BSN: variants seen among roughly 807,000 people sequenced by gnomAD.
The protein encoded by BSN is protein bassoon.
A neutral mutation model predicts 264.8 loss-of-function variants in BSN; 57 were observed. That is an observed-to-expected ratio of 0.22 (90% CI 0.17 to 0.27). The LOEUF (loss-of-function observed/expected upper bound fraction) is 0.27. Among genes scored for constraint, BSN ranks in the 10% least tolerant of loss-of-function variants. The pLI is 1.00. For missense variants in BSN, 4,615 were observed against 5,232.5 expected, an observed-to-expected ratio of 0.88 and a Z score of 3.64; for synonymous variants, 2,059 against 2,137.3, an observed-to-expected ratio of 0.96 and a Z score of 1.01.
intron 1 of BSN, among the ~76,000 whole-genome samples, chr3:49,578,164 G>A (rs1014915661): frequency 4.6e-5 from 7 of 152,004 alleles, no homozygotes; most frequent in African/African-American, 7.2e-5. Context: ...CTGTAGGCTC[G>A]GCTATCCTTT....
chr3:49,642,855 G>A lies in BSN; in HGVS notation c.1221G>A (p.Gly407=). 6.2e-7 allele frequency: 1 copy of A among 1,613,652 alleles called. No homozygotes were observed. Among genetic ancestry groups the A allele is most frequent in the Non-Finnish European group, 8.5e-7 (1 of 1,179,946 alleles). The part of the protein sequence containing the change: ...PKPLGSGPGP[G]PAPGAKTEPG... The stretch of plus-strand genomic sequence containing the variant: ...CCTTGGGCTCAGGGCCCGGGCCTGG[G>A]CCAGCACCTGGAGCCAAAACTGAGC... Residue 407 remains glycine (G), a synonymous_variant, in exon 3 of 12, where the codon GGG becomes GGA. Transcript: ENST00000296452. The surrounding 1 kb of genome is among the most constrained non-coding windows in gnomAD (Gnocchi z 7.0).
At chr3:49,555,816 A>G (rs551625330) in intron 1 of BSN, among the ~76,000 whole-genome samples, 3 of 152,346 alleles carry the variant, frequency 2.0e-5, no homozygotes, top group South Asian at 2.1e-4. Flanking sequence ...TTCCAGCTCC[A>G]TGTGGGTCTG....
At chr3:49,580,544 A>G (rs2051888642) in intron 1 of BSN, among the ~76,000 whole-genome samples, 1 of 151,614 alleles carries the variant, frequency 6.6e-6, no homozygotes, top group Non-Finnish European at 1.5e-5. Context: ...CAGTCCTCTC[A>G]TCTCAGCCTC....
Position 49,653,155 on chromosome 3 carries a change from G to A in BSN, c.3599G>A (p.Arg1200Lys). The change falls in exon 5 of 12, where the codon AGG becomes AAG. Residue 1200 changes from arginine (R) to lysine (K), a missense_variant. Coordinates refer to ENST00000296452, the MANE Select transcript of BSN (RefSeq NM_003458.4). This position sits in a 1 kb window ranked among gnomAD's most constrained non-coding sequence, Gnocchi z 6.3. ...ATGCGCAAAGCTGAGCTGCTCCAGA[G>A]GCAGCAAGGCCAGGCAGCAGGGGCC... The part of the protein sequence containing the change: ...EMMRKAELLQ[R>K]QQGQAAGARG... The A allele has an allele frequency of 6.2e-7, 1 of 1,612,848 alleles. No homozygotes were observed. Among genetic ancestry groups the A allele is most frequent in the East Asian group, 2.2e-5 (1 of 44,856 alleles).
Position 49,651,625 on chromosome 3 carries a change from T to C in BSN, c.2069T>C (p.Ile690Thr). Residue 690 changes from isoleucine to threonine, a missense_variant, in exon 5 of 12, where the codon ATC becomes ACC. Transcript: ENST00000296452. This position sits in a 1 kb window ranked among gnomAD's most constrained non-coding sequence, Gnocchi z 5.4. ...LSDTGYSSDG[I>T]SSSQSEITGV... ...GACACAGGCTATTCCTCTGACGGCA[T>C]CTCTAGCTCCCAGAGTGAGATCACA... 1 of 1,613,970 alleles carries C rather than the reference T, an allele frequency of 6.2e-7. No homozygotes were observed. Among genetic ancestry groups the C allele is most frequent in the Non-Finnish European group, 8.5e-7 (1 of 1,179,962 alleles).
intron 1 of BSN, among the ~76,000 whole-genome samples, chr3:49,606,985 G>A (rs2052158182): frequency 6.6e-6 from 1 of 152,094 alleles, no homozygotes; most frequent in Admixed American, 6.6e-5. Context: ...ACATGGTGGT[G>A]GGCGCCTCAG....
chr3:49,563,648 C>A (rs1454928101), intron 1 of BSN, among the ~76,000 whole-genome samples: 2 of 152,210 alleles, frequency 1.3e-5, no homozygotes. Context: ...TGTCAAAGTC[C>A]GGTATGTGAG....
At chr3:49,593,028 A>T (rs879445663) in intron 1 of BSN, among the ~76,000 whole-genome samples, 6 of 152,174 alleles carry the variant, frequency 3.9e-5, no homozygotes, top group Admixed American at 3.9e-4. Flanking sequence ...TCTTTTTACA[A>T]CTGTATTCAC....
chr3:49,663,974 C>CA (rs2052689676), intron 8 of BSN, 88 bp downstream of exon 8: 1 of 1,233,490 alleles, frequency 8.1e-7, no homozygotes, highest in East Asian at 2.5e-5. Flanking sequence ...AGCTCCCCCA[C>CA]ACTGCATGCC....
intron 1 of BSN, among the ~76,000 whole-genome samples, chr3:49,580,698 A>G (rs182766825): frequency 3.5e-3 from 540 of 152,312 alleles, no homozygotes; most frequent in Admixed American, 9.9e-3. Flanking sequence ...TACTCAAGCA[A>G]TCCTCCTGCC....
At position 49,660,448 on chromosome 3, in the gene BSN, T is replaced by G. The variant is rs778926686; in HGVS notation, c.8641-38T>G. 6.6e-7 allele frequency: 1 copy of G among 1,517,102 alleles called. No individual in the cohort carries two copies. Among genetic ancestry groups the G allele is most frequent in the Non-Finnish European group, 8.8e-7 (1 of 1,133,682 alleles). 94.0% of individuals were successfully genotyped at this position (1,517,102 alleles called of 1,614,324 possible). ...CCACACCCCATCAAGTCACCACACC[T>G]TGGGTCTCAGTGCTGCCCACCCTTC... On this transcript the variant is annotated intron_variant, in intron 5 of 11. Transcript: ENST00000296452. This position sits in a 1 kb window ranked among gnomAD's most constrained non-coding sequence, Gnocchi z 7.1.
intron 5 of BSN, among the ~76,000 whole-genome samples, chr3:49,658,702 C>T (rs558309576): frequency 1.3e-5 from 2 of 152,330 alleles, no homozygotes; most frequent in East Asian, 3.8e-4. Context: ...CCCATCCCAG[C>T]GGGCTGCAGT....
chr3:49,633,605 G>T (rs2052398295), intron 2 of BSN, among the ~76,000 whole-genome samples: 1 of 152,156 alleles, frequency 6.6e-6, no homozygotes, highest in Non-Finnish European at 1.5e-5. Flanking sequence ...TGAAAGGAAG[G>T]TCTTGAAGAG....
intron 1 of BSN, among the ~76,000 whole-genome samples, chr3:49,574,303 G>A (rs1014091945): frequency 6.6e-6 from 1 of 152,006 alleles, no homozygotes; most frequent in Non-Finnish European, 1.5e-5. Context: ...TGGATGCATA[G>A]TGAAATTATT....
rs117429285 is a variant in BSN, at chr3:49,643,910, G to A, written c.1518+758G>A. On this transcript the variant is annotated intron_variant, in intron 3 of 11. Transcript: ENST00000296452. The stretch of plus-strand genomic sequence containing the variant: ...TGCAGTGCTAGGCAGGAGGGAGCAG[G>A]AGGCCCAGTGTAAGGTTCAGTGTTC... 3.0e-3 allele frequency among the ~76,000 whole-genome samples: 463 copies of A among 152,304 alleles called. 19 individuals are homozygous for A. In the East Asian group the frequency reaches 0.073, roughly 24 times the overall value.
intron 1 of BSN, among the ~76,000 whole-genome samples, chr3:49,621,602 G>A (rs2052306092): frequency 6.6e-6 from 1 of 152,314 alleles, no homozygotes; most frequent in South Asian, 2.1e-4. Context: ...TGATGTGGAG[G>A]TCCCTACTGA....
intron 1 of BSN, among the ~76,000 whole-genome samples, chr3:49,558,396 T>A (rs888471021): frequency 6.6e-6 from 1 of 152,204 alleles, no homozygotes; most frequent in African/African-American, 2.4e-5. Context: ...CTGGCCCATA[T>A]GTTATTGAGA....
chr3:49,634,064 G>A (rs551103487), intron 2 of BSN, among the ~76,000 whole-genome samples: 2 of 152,190 alleles, frequency 1.3e-5, no homozygotes, highest in Admixed American at 6.5e-5. Context: ...AAAAATTAGC[G>A]GGGTGTGTTG....
chr3:49,608,239 G>C (rs527423135), intron 1 of BSN, among the ~76,000 whole-genome samples: 211 of 152,276 alleles, frequency 1.4e-3, no homozygotes, highest in Middle Eastern at 6.8e-3. Flanking sequence ...AGACCCTTCA[G>C]AAGTGAAAAA....
Sources: gnomAD v4.1 joint callset for allele counts (sites outside exome capture counted in the v4.1 genomes callset) on GRCh38, gnomAD v4.1.1 for gene constraint, Gnocchi (gnomAD v3.1) non-coding constraint, MANE v1.5 for transcripts, NCBI Gene and HGNC (gene_info 2026-07-23, HGNC 2026-07-21) for gene names.